Variants in GSG1L observed in about 807,000 individuals in gnomAD.
GSG1L encodes the protein GSG1 like.
A neutral mutation model predicts 42.1 loss-of-function variants in GSG1L; 24 were observed. That is an observed-to-expected ratio of 0.57 (90% CI 0.41 to 0.80). GSG1L has a LOEUF of 0.80. Among genes scored for constraint, GSG1L ranks in the 30% least tolerant of loss-of-function variants. GSG1L has a pLI of 0.00. For synonymous variants in GSG1L, 215 were observed against 203.5 expected, an observed-to-expected ratio of 1.06 and a Z score of -0.48; for missense variants, 445 against 472.2, an observed-to-expected ratio of 0.94 and a Z score of 0.53.
chr16:27,888,465 TC>T (rs879275353), intron 2 of GSG1L, among the ~76,000 whole-genome samples: 9,935 of 25,336 alleles, frequency 0.39, 1,556 homozygotes, highest in South Asian at 0.49. Flanking sequence ...TCTTTCTTTC[TC>T]TCTCTCTCTC....
chr16:28,038,827 G>GATA (rs1440420788), intron 1 of GSG1L, among the ~76,000 whole-genome samples: 1 of 152,200 alleles, frequency 6.6e-6, no homozygotes, highest in African/African-American at 2.4e-5. Context: ...CATCCCTTGA[G>GATA]ATAATGATCC....
At chr16:28,026,699 G>A (rs1221209626) in intron 1 of GSG1L, among the ~76,000 whole-genome samples, 1 of 152,226 alleles carries the variant, frequency 6.6e-6, no homozygotes, top group Non-Finnish European at 1.5e-5. Flanking sequence ...CCTCGTGACA[G>A]GGCAGAGCCT....
intron 1 of GSG1L, among the ~76,000 whole-genome samples, chr16:27,985,610 G>A (rs753094210): frequency 6.6e-6 from 1 of 151,924 alleles, no homozygotes; most frequent in Non-Finnish European, 1.5e-5. Context: ...TTGGGAGGCC[G>A]AGGTGGGCAG....
rs139580566 is a variant in GSG1L at position 27,795,300 on chromosome 16, G to A, written c.899-3833C>T. Among the ~76,000 whole-genome samples the A allele has an allele frequency of 3.8e-3, 573 of 152,260 alleles. 8 individuals carry two copies. Among genetic ancestry groups the A allele is most frequent in the South Asian group, 5.8e-3 (28 of 4,822 alleles). ...TCTGTACAGTATGAAAAGGGTTTTT[G>A]CTCAAACTCTCCTCTTTTGGGTGAA... is the stretch of plus-strand genomic sequence containing the variant. On this transcript the variant is annotated intron_variant, in intron 6 of 6. Coordinates refer to ENST00000447459, the MANE Select transcript of GSG1L (RefSeq NM_001109763.2).
chr16:27,947,579 AAGAAAG>A (rs1238931351), intron 2 of GSG1L, among the ~76,000 whole-genome samples: 2 of 133,786 alleles, frequency 1.5e-5, no homozygotes, highest in Non-Finnish European at 3.2e-5. Flanking sequence ...GAAAGAAAGA[AAGAAAG>A]AAAGAAAGAA....
chr16:27,982,678 T>A (rs2270208), intron 1 of GSG1L, among the ~76,000 whole-genome samples: 2 of 152,354 alleles, frequency 1.3e-5, no homozygotes, highest in South Asian at 2.1e-4. Flanking sequence ...GGTATCAGCA[T>A]CTGCTCTGCT....
In GSG1L at chr16:27,811,575, C is replaced by T. The variant is rs566634022; in HGVS notation, c.831-4021G>A. Among the ~76,000 whole-genome samples, 3 of 152,342 alleles carry T rather than the reference C, an allele frequency of 2.0e-5. No homozygotes were observed. The East Asian group carries it at 5.8e-4, about 29-fold the overall frequency. ...TATTGCATAAAGGGCTTCCAGCATCCTCCTGCTTTTCACAGCCTTGACCTT... is the reference window on the plus strand; with the variant it reads ...TATTGCATAAAGGGCTTCCAGCATCTTCCTGCTTTTCACAGCCTTGACCTT... On this transcript the variant is annotated intron_variant, in intron 5 of 6. Transcript: ENST00000447459.
At chr16:27,929,470 G>C (rs958537666) in intron 2 of GSG1L, among the ~76,000 whole-genome samples, 2 of 152,194 alleles carry the variant, frequency 1.3e-5, no homozygotes, top group Non-Finnish European at 2.9e-5. Flanking sequence ...AGGAAGAAAA[G>C]CTCTCTTCCC....
chr16:27,819,169 A>C (rs2083125775), intron 5 of GSG1L, among the ~76,000 whole-genome samples: 1 of 151,924 alleles, frequency 6.6e-6, no homozygotes, highest in Non-Finnish European at 1.5e-5. Flanking sequence ...AAAATCGCTT[A>C]AACCGGGGAG....
intron 2 of GSG1L, among the ~76,000 whole-genome samples, chr16:27,946,621 G>GAGAA (rs1567529988): frequency 3.1e-4 from 15 of 48,194 alleles, no homozygotes; most frequent in African/African-American, 8.9e-4. Flanking sequence ...GAGAGAGAGA[G>GAGAA]AGAGAGAGAG....
At chr16:27,871,711 A>G in intron 3 of GSG1L, among the ~76,000 whole-genome samples, 1 of 152,232 alleles carries the variant, frequency 6.6e-6, no homozygotes, top group East Asian at 1.9e-4. Flanking sequence ...TAAAACTAAC[A>G]AAGTACTGGT....
At chr16:27,825,413 G>A (rs1231239151) in intron 5 of GSG1L, among the ~76,000 whole-genome samples, 1 of 152,202 alleles carries the variant, frequency 6.6e-6, no homozygotes, top group Non-Finnish European at 1.5e-5. Context: ...GCTCATGCCT[G>A]TAATCCCAGC....
At chr16:27,971,840 G>A (rs1596663650) in intron 1 of GSG1L, among the ~76,000 whole-genome samples, 2 of 152,174 alleles carry the variant, frequency 1.3e-5, no homozygotes, top group East Asian at 1.9e-4. Context: ...ACTTTGTTGA[G>A]CAGTTTTATC....
At chr16:27,967,555 A>C (rs74015181) in intron 1 of GSG1L, among the ~76,000 whole-genome samples, 3,853 of 152,314 alleles carry the variant, frequency 0.025, 165 homozygotes, top group African/African-American at 0.088. Flanking sequence ...GCCACACAGC[A>C]CATTAGAGGT....
chr16:27,796,124 C>A (rs1266629868), intron 6 of GSG1L, among the ~76,000 whole-genome samples: 1 of 152,130 alleles, frequency 6.6e-6, no homozygotes, highest in Non-Finnish European at 1.5e-5. Context: ...CCTACAGTAG[C>A]CCAGCTTGGC....
rs2085420563 is a variant in GSG1L, at chr16:27,988,874, G to GA, written c.350-25672dup. Among the ~76,000 whole-genome samples, 3 of 151,666 alleles carry GA rather than the reference G, an allele frequency of 2.0e-5. No individual in the cohort carries two copies. In the South Asian group the frequency reaches 6.2e-4, roughly 32 times the overall value. ...TCAAGACCATCCTGGCTAACATGGT[G>GA]AAACCCCGTCTCTACTAAAAATACA... On this transcript the variant is annotated intron_variant, in intron 1 of 6. Coordinates refer to ENST00000447459, the MANE Select transcript of GSG1L (RefSeq NM_001109763.2).
chr16:27,863,247 C>T (rs562978551), intron 3 of GSG1L: 1 of 152,218 alleles, frequency 6.6e-6, no homozygotes, highest in South Asian at 2.1e-4. Context: ...TTAAATTATA[C>T]TCAGTGCTCA....
intron 2 of GSG1L, among the ~76,000 whole-genome samples, chr16:27,921,188 A>G (rs953326590): frequency 6.6e-6 from 1 of 152,086 alleles, no homozygotes; most frequent in Non-Finnish European, 1.5e-5. Context: ...TCAAATATTA[A>G]AATATTTTCC....
chr16:27,931,906 A>C (rs773180951), intron 2 of GSG1L, among the ~76,000 whole-genome samples: 5 of 152,242 alleles, frequency 3.3e-5, no homozygotes, highest in Non-Finnish European at 7.3e-5. Context: ...AACAGAGTGC[A>C]TGAAAACTGA....
Sources: gnomAD v4.1 joint callset for allele counts (sites outside exome capture counted in the v4.1 genomes callset) on GRCh38, gnomAD v4.1.1 for gene constraint, MANE v1.5 for transcripts, NCBI Gene and HGNC (gene_info 2026-07-23, HGNC 2026-07-21) for gene names.